Variants in RMND5B observed in about 807,000 individuals in gnomAD.
RMND5B encodes the protein E3 ubiquitin-protein transferase RMND5B.
Under a neutral mutation model 50.4 loss-of-function variants are expected in RMND5B, and 42 were observed. The ratio of observed to expected loss-of-function variants is 0.83; its 90% confidence interval spans 0.65 to 1.08. RMND5B has a LOEUF of 1.08. Among genes scored for constraint, RMND5B ranks in the 50% least tolerant of loss-of-function variants. The probability of loss-of-function intolerance (pLI) is 0.00; values close to 1 mark genes in which losing one functional copy is unlikely to be tolerated. For missense variants in RMND5B, 463 were observed against 508.5 expected, an observed-to-expected ratio of 0.91 and a Z score of 0.86; for synonymous variants, 220 against 210.0, an observed-to-expected ratio of 1.05 and a Z score of -0.41.
rs1756179085 is a variant in RMND5B, at chr5:178,148,760, T to C, written c.*728T>C. On this transcript the variant is annotated 3_prime_UTR_variant, in exon 11 of 11. Coordinates refer to ENST00000313386, the MANE Select transcript of RMND5B (RefSeq NM_022762.5). ...ATGTCAGACCCCGGGCAAGGTGCTT[T>C]TACATATACCCATACCAGATCTTAC... The C allele has an allele frequency of 6.5e-6, 1 of 152,988 alleles. No individual in the cohort carries two copies. The highest frequency in any genetic ancestry group is 6.5e-5 in the Admixed American group (1 of 15,328). 9.5% of individuals were successfully genotyped at this position (152,988 alleles called of 1,614,324 possible).
chr5:178,148,833 A>T lies in RMND5B; in HGVS notation c.*801A>T, dbSNP rs35433113. On this transcript the variant is annotated 3_prime_UTR_variant, in exon 11 of 11. Transcript: ENST00000313386. The stretch of plus-strand genomic sequence containing the variant: ...GTAATGGGATTCAGGAAAATGAAGT[A>T]ACTTGCACAACAGGGCTCACAGCTT... 31,573 of 152,284 alleles carry T rather than the reference A, an allele frequency of 0.21. 3,617 individuals are homozygous for T. Among genetic ancestry groups the T allele is most frequent in the African/African-American group, 0.29 (12,194 of 41,484 alleles). 9.4% of individuals were successfully genotyped at this position (152,284 alleles called of 1,614,324 possible). A position where few individuals can be genotyped will look rare whatever the true frequency, so the allele number is the denominator to read the frequency against.
rs763639931 is a variant in RMND5B at position 178,142,830 on chromosome 5, C to T, written c.286-22C>T. 8 of 1,614,122 alleles carry T rather than the reference C, an allele frequency of 5.0e-6. No homozygotes were observed. In the Admixed American group the frequency reaches 6.7e-5, roughly 13 times the overall value. On this transcript the variant is annotated intron_variant, in intron 4 of 10. Transcript: ENST00000313386. The stretch of plus-strand genomic sequence containing the variant: ...AGCAAGAGTGCCCGCATCACCAGGC[C>T]CTGTCTCTCCTCCTTCGTCAGAACT...
At chr5:178,134,649 G>T (rs1224173986) in intron 2 of RMND5B, among the ~76,000 whole-genome samples, 1 of 152,122 alleles carries the variant, frequency 6.6e-6, no homozygotes, top group East Asian at 1.9e-4. Context: ...GAACAGTTCT[G>T]TTTTCTCAGT....
At chr5:178,147,936 CCT>C (rs756496550) in intron 10 of RMND5B, 31 bp from the exon 11 acceptor site, 14 of 1,614,076 alleles carry the variant, frequency 8.7e-6, no homozygotes, top group East Asian at 2.2e-5. Flanking sequence ...ACTGGCCACC[CCT>C]GAGACGTTCT....
Position 178,138,427 on chromosome 5 carries a change from G to A in RMND5B, c.139+169G>A, listed in dbSNP as rs1758736789. The A allele has an allele frequency of 1.5e-6, 2 of 1,376,082 alleles. No individual in the cohort carries two copies. The highest frequency in any genetic ancestry group is 1.9e-6 in the Non-Finnish European group (2 of 1,068,586). 85.2% of individuals were successfully genotyped at this position (1,376,082 alleles called of 1,614,324 possible). On this transcript the variant is annotated intron_variant, in intron 3 of 10. Coordinates refer to ENST00000313386, the MANE Select transcript of RMND5B (RefSeq NM_022762.5). The surrounding 1 kb of genome is among the most constrained non-coding windows in gnomAD (Gnocchi z 5.1). ...GACAGTCTCTGAGCTACTTCAAAAAGCCCAACAAATTATTAATTTACCTGA... is the reference window on the plus strand; with the variant it reads ...GACAGTCTCTGAGCTACTTCAAAAAACCCAACAAATTATTAATTTACCTGA...
intron 7 of RMND5B, 178 bp from the exon 8 acceptor site, chr5:178,145,936 C>A: frequency 1.7e-6 from 1 of 586,040 alleles, no homozygotes; most frequent in Non-Finnish European, 3.0e-6. Context: ...CTCCACCTCC[C>A]CAGTGGATTT....
In RMND5B at chr5:178,144,052, T is replaced by C; in HGVS notation, c.638T>C (p.Leu213Pro). 6.2e-7 allele frequency: 1 copy of C among 1,614,236 alleles called. No individual in the cohort carries two copies. The highest frequency in any genetic ancestry group is 8.5e-7 in the Non-Finnish European group (1 of 1,180,038). ...TTGGCAGGAGGCCCCGCGAAGCAGC[T>C]GGAGGCCCTCAGCTATGCTCGGCAC... ...RLLAGGPAKQLEALSYARHFQ... is the reference protein window; with the variant it reads ...RLLAGGPAKQPEALSYARHFQ... The change falls in exon 7 of 11, where the codon CTG (leucine) becomes CCG (proline). Residue 213 changes from leucine to proline, a missense_variant. Leu to Pro is a moderately conservative substitution (Grantham distance 98). Coordinates refer to ENST00000313386, the MANE Select transcript of RMND5B (RefSeq NM_022762.5).
intron 7 of RMND5B, among the ~76,000 whole-genome samples, chr5:178,145,508 C>A (rs1454880291): frequency 4.1e-5 from 6 of 145,712 alleles, no homozygotes; most frequent in East Asian, 2.0e-4. Context: ...AAAAAAAAAA[C>A]ACACAAAAAA....
At chr5:178,141,885 C>T (rs903738356) in intron 3 of RMND5B, 4 of 152,190 alleles carry the variant, frequency 2.6e-5, no homozygotes, top group Non-Finnish European at 5.9e-5. Flanking sequence ...CCACTAATCT[C>T]TTTTTTGTCT....
chr5:178,144,179 G>A (rs1755853095), intron 7 of RMND5B, 71 bp downstream of exon 7: 2 of 1,530,336 alleles, frequency 1.3e-6, no homozygotes, highest in Non-Finnish European at 1.8e-6. Flanking sequence ...GTTACATCAG[G>A]CTGCCAGTCC....
rs1756222432 is a variant in RMND5B at position 178,149,938 on chromosome 5, C to T, written c.*1906C>T. ...CCACCAGCCTAATCTGGCCCACAAC[C>T]ATGTTCTGTTCGGTCCATGTTCTAT... On this transcript the variant is annotated 3_prime_UTR_variant, in exon 11 of 11. Transcript: ENST00000313386. 2.3e-6 allele frequency: 3 copies of T among 1,318,210 alleles called. No homozygotes were observed. The highest frequency in any genetic ancestry group is 2.9e-5 in the African/African-American group (2 of 68,722). The allele number at this position is 1,318,210 out of a possible 1,614,324, so 81.7% of individuals were successfully genotyped here.
At chr5:178,140,717 C>CTACTTGGGAG (rs1417562766) in intron 3 of RMND5B, among the ~76,000 whole-genome samples, 1 of 151,870 alleles carries the variant, frequency 6.6e-6, no homozygotes, top group Non-Finnish European at 1.5e-5. Context: ...GTAGTCCCAG[C>CTACTTGGGAG]TACTTGGGAG....
chr5:178,143,910 G>C, intron 6 of RMND5B, 32 bp from the exon 7 acceptor site: 1 of 1,610,814 alleles, frequency 6.2e-7, no homozygotes, highest in Non-Finnish European at 8.5e-7. Flanking sequence ...GCCCCCACCA[G>C]CTCTACACTA....
rs58710080 is a variant in RMND5B at position 178,132,789 on chromosome 5, C to CAAAAA, written c.-13+1433_-13+1437dup. ...TATTAACTGAAGAGACCCTGCCTCA[C>CAAAAA]AAAAAAAAAAAAAAAAAAAAAAAAG... is the stretch of plus-strand genomic sequence containing the variant. On this transcript the variant is annotated intron_variant, in intron 2 of 10. Transcript: ENST00000313386. Among the ~76,000 whole-genome samples the CAAAAA allele has an allele frequency of 1.3e-3, 51 of 38,658 alleles. 1 individual carries two copies. The highest frequency in any genetic ancestry group is 2.2e-3 in the East Asian group (2 of 928). 25.4% of individuals were successfully genotyped at this position (38,658 alleles called of 152,430 possible).
chr5:178,147,424 C>G (rs1050535650), intron 8 of RMND5B, 109 bp from the exon 9 acceptor site: 1 of 763,908 alleles, frequency 1.3e-6, no homozygotes, highest in Non-Finnish European at 2.2e-6. Flanking sequence ...TTTGACCGTG[C>G]ACCATTTTAG....
intron 2 of RMND5B, among the ~76,000 whole-genome samples, chr5:178,133,220 TTC>T (rs1350456332): frequency 6.6e-6 from 1 of 152,138 alleles, no homozygotes; most frequent in Non-Finnish European, 1.5e-5. Flanking sequence ...CAAACTTCCT[TTC>T]TCCTTACACA....
At chr5:178,135,683 A>C (rs909904425) in intron 2 of RMND5B, among the ~76,000 whole-genome samples, 1 of 152,160 alleles carries the variant, frequency 6.6e-6, no homozygotes, top group African/African-American at 2.4e-5. Context: ...TTGTAAATAG[A>C]ATTTTATCGC....
chr5:178,142,869 C>G lies in RMND5B; in HGVS notation c.303C>G (p.Ile101Met), dbSNP rs1391320612. The part of the protein sequence containing the change: ...KAIDRNFDSE[I>M]CGVVSDAVWD... Reference sequence around the variant, plus strand: ...TTCGTCAGAACTTCGACTCTGAGATCTGTGGTGTTGTGTCAGATGCGGTGT... The same window carrying G: ...TTCGTCAGAACTTCGACTCTGAGATGTGTGGTGTTGTGTCAGATGCGGTGT... Residue 101 changes from isoleucine (I) to methionine (M), a missense_variant, in exon 5 of 11, where the codon ATC (isoleucine) becomes ATG (methionine). Ile to Met is a conservative substitution (Grantham distance 10, BLOSUM62 1). Coordinates refer to ENST00000313386, the MANE Select transcript of RMND5B (RefSeq NM_022762.5). 5 of 1,614,128 alleles carry G rather than the reference C, an allele frequency of 3.1e-6. No homozygotes were observed. The Admixed American group carries it at 8.3e-5, about 27-fold the overall frequency.
At position 178,138,106 on chromosome 5, in the gene RMND5B, A is replaced by G. The variant is rs755224250; in HGVS notation, c.-12-2A>G. On this transcript the variant is annotated splice_acceptor_variant, in intron 2 of 10. Transcript: ENST00000313386. LOFTEE classifies it low-confidence loss of function (5UTR_SPLICE). The surrounding 1 kb of genome is among the most constrained non-coding windows in gnomAD (Gnocchi z 5.1). ...GGGCCTGACCCAGCTGACCCTCCCC[A>G]GGCTGAGGCCACCATGGAGCAGTGT... 1 of 1,578,090 alleles carries G rather than the reference A, an allele frequency of 6.3e-7. No homozygotes were observed. The highest frequency in any genetic ancestry group is 1.8e-5 in the Admixed American group (1 of 54,096).
Sources: gnomAD v4.1 joint callset for allele counts (sites outside exome capture counted in the v4.1 genomes callset) on GRCh38, gnomAD v4.1.1 for gene constraint, Gnocchi (gnomAD v3.1) non-coding constraint, MANE v1.5 for transcripts, NCBI Gene and HGNC (gene_info 2026-07-23, HGNC 2026-07-21) for gene names.